The following LRRTM3 variants were observed in gnomAD, a reference collection of about 807,000 sequenced individuals.
LRRTM3 encodes the protein leucine rich repeat transmembrane neuronal 3.
LRRTM3 carries 24 observed loss-of-function variants against 44.7 expected under a neutral mutation model. The ratio of observed to expected loss-of-function variants is 0.54; its 90% CI spans 0.39 to 0.76. The LOEUF is 0.76. LRRTM3 is among the 30% of genes least tolerant of loss of function. The probability of loss-of-function intolerance (pLI) is 0.00; values close to 1 mark genes in which losing one functional copy is unlikely to be tolerated. For synonymous variants in LRRTM3, 277 were observed against 278.7 expected (o/e 0.99, Z 0.06); for missense variants, 587 against 702.2 (o/e 0.84, Z 1.85).
At chr10:67,052,309 C>T (rs1376153791) in intron 2 of LRRTM3, among the ~76,000 whole-genome samples, 1 of 119,768 alleles carries the variant, frequency 8.3e-6, no homozygotes, top group South Asian at 3.2e-4. Flanking sequence ...CACACCCACT[C>T]ATCACTCTCT....
intron 2 of LRRTM3, among the ~76,000 whole-genome samples, chr10:67,020,919 T>C (rs1852967914): frequency 6.6e-6 from 1 of 152,166 alleles, no homozygotes. Flanking sequence ...ACATTGTGGC[T>C]AACACTTACA....
chr10:66,981,880 T>G (rs1325218991), intron 2 of LRRTM3, among the ~76,000 whole-genome samples: 1 of 152,184 alleles, frequency 6.6e-6, no homozygotes, highest in Non-Finnish European at 1.5e-5. Context: ...CCCACTTACT[T>G]GCTCCCAAAG....
intron 2 of LRRTM3, chr10:67,013,053 T>A (rs1168743536): frequency 6.6e-6 from 1 of 152,186 alleles, no homozygotes; most frequent in Non-Finnish European, 1.5e-5. Context: ...AATACTGTTA[T>A]ACATATTATT....
chr10:66,928,094 C>A lies in LRRTM3; in HGVS notation c.1178C>A (p.Pro393His), dbSNP rs1847174991. 1 of 1,613,948 alleles carries A rather than the reference C, an allele frequency of 6.2e-7. No individual in the cohort carries two copies. The highest frequency in any genetic ancestry group is 1.3e-5 in the African/African-American group (1 of 74,916). Residue 393 changes from proline (P) to histidine (H), a missense_variant, in exon 2 of 3, where the codon CCC becomes CAC. By Grantham distance (77) the Pro-to-His change is moderately conservative. Coordinates refer to ENST00000361320, the MANE Select transcript of LRRTM3 (RefSeq NM_178011.5). ...KLPRPKHESK[P>H]PLPPTVGATE... ...CCCAGGCCGAAGCATGAGAGCAAAC[C>A]CCCTTTGCCCCCGACGGTGGGAGCC... is the stretch of plus-strand genomic sequence containing the variant.
intron 2 of LRRTM3, among the ~76,000 whole-genome samples, chr10:66,993,783 T>C (rs1054701116): frequency 2.6e-5 from 4 of 152,114 alleles, no homozygotes; most frequent in Non-Finnish European, 4.4e-5. Flanking sequence ...TTATGACCTT[T>C]GTTATTCTAA....
chr10:66,927,584 C>G lies in LRRTM3; in HGVS notation c.668C>G (p.Ala223Gly). ...EHNQFSKLNLALFPRLVSLQN... is the reference protein window; with the variant it reads ...EHNQFSKLNLGLFPRLVSLQN... Reference sequence around the variant, plus strand: ...AATCAATTTTCCAAGCTCAACCTGGCCCTTTTTCCAAGGTTGGTCAGCCTT... The same window carrying G: ...AATCAATTTTCCAAGCTCAACCTGGGCCTTTTTCCAAGGTTGGTCAGCCTT... The change falls in exon 2 of 3, where the codon GCC (alanine) becomes GGC (glycine). Residue 223 changes from alanine to glycine, a missense_variant. Around this residue, in one of 3 missense-constraint regions of LRRTM3, gnomAD observed 222 missense variants for 323.3 expected, o/e 0.69. Transcript: ENST00000361320. This position sits in a 1 kb window ranked among gnomAD's most constrained non-coding sequence, Gnocchi z 4.7. 6.2e-7 allele frequency: 1 copy of G among 1,614,162 alleles called. No individual in the cohort carries two copies. The highest frequency in any genetic ancestry group is 8.5e-7 in the Non-Finnish European group (1 of 1,180,048).
At chr10:67,015,740 ATTT>A (rs1489058859) in intron 2 of LRRTM3, among the ~76,000 whole-genome samples, 1 of 151,634 alleles carries the variant, frequency 6.6e-6, no homozygotes, top group African/African-American at 2.4e-5. Flanking sequence ...TTATTGATTC[ATTT>A]TTTTCTGTTC....
At chr10:67,093,394 C>T (rs1857776991) in intron 2 of LRRTM3, among the ~76,000 whole-genome samples, 1 of 151,700 alleles carries the variant, frequency 6.6e-6, no homozygotes, top group African/African-American at 2.4e-5. Context: ...GTTGAACACC[C>T]TAATCTCAGG....
chr10:66,928,482 T>C, intron 2 of LRRTM3, 30 bp downstream of exon 2: 1 of 1,544,108 alleles, frequency 6.5e-7, no homozygotes, highest in Non-Finnish European at 8.7e-7. Flanking sequence ...AAAGAGCTCT[T>C]AAAAGCTGGG....
chr10:67,081,829 A>G (rs752349525), intron 2 of LRRTM3, among the ~76,000 whole-genome samples: 2 of 152,288 alleles, frequency 1.3e-5, no homozygotes, highest in South Asian at 4.1e-4. Flanking sequence ...TCCTGATCCT[A>G]GCCCAGCAGA....
intron 2 of LRRTM3, among the ~76,000 whole-genome samples, chr10:66,953,029 C>T (rs969926711): frequency 1.3e-5 from 2 of 151,978 alleles, no homozygotes; most frequent in Non-Finnish European, 2.9e-5. Context: ...CTTTACCTTC[C>T]ACTGAAGAAA....
chr10:66,954,975 A>G (rs933794094), intron 2 of LRRTM3, among the ~76,000 whole-genome samples: 2 of 152,226 alleles, frequency 1.3e-5, no homozygotes, highest in African/African-American at 4.8e-5. Context: ...TAGGAAAAGT[A>G]CCAAGATACT....
chr10:66,949,367 A>T (rs1848424223), intron 2 of LRRTM3, among the ~76,000 whole-genome samples: 1 of 151,802 alleles, frequency 6.6e-6, no homozygotes, highest in Admixed American at 6.6e-5. Context: ...GACCAGCCTG[A>T]CCAACATGGA....
At chr10:66,958,032 C>A (rs1222246181) in intron 2 of LRRTM3, among the ~76,000 whole-genome samples, 1 of 151,868 alleles carries the variant, frequency 6.6e-6, no homozygotes, top group Non-Finnish European at 1.5e-5. Flanking sequence ...ACTAGAGGGG[C>A]CAAAAGCAGT....
chr10:67,083,335 A>C (rs2131885952), intron 2 of LRRTM3, among the ~76,000 whole-genome samples: 1 of 152,254 alleles, frequency 6.6e-6, no homozygotes, highest in African/African-American at 2.4e-5. Flanking sequence ...TGATTAGGAA[A>C]CAGTTCCAAT....
chr10:66,942,388 G>T (rs1564784067), intron 2 of LRRTM3, among the ~76,000 whole-genome samples: 2 of 152,142 alleles, frequency 1.3e-5, no homozygotes, highest in Non-Finnish European at 2.9e-5. Flanking sequence ...GCTCTATTAA[G>T]TATTCTTCTG....
At chr10:66,933,291 G>T (rs932314399) in intron 2 of LRRTM3, among the ~76,000 whole-genome samples, 1 of 152,168 alleles carries the variant, frequency 6.6e-6, no homozygotes, top group Middle Eastern at 3.2e-3. Flanking sequence ...CTAAGTCTAT[G>T]ATTTTTATAC....
intron 2 of LRRTM3, among the ~76,000 whole-genome samples, chr10:67,018,243 T>A (rs1454995033): frequency 6.6e-6 from 1 of 152,214 alleles, no homozygotes; most frequent in African/African-American, 2.4e-5. Flanking sequence ...AATGAGAGCA[T>A]AAAGGCATAT....
At chr10:67,014,672 A>G (rs1162776023) in intron 2 of LRRTM3, among the ~76,000 whole-genome samples, 1 of 152,054 alleles carries the variant, frequency 6.6e-6, no homozygotes, top group Non-Finnish European at 1.5e-5. Context: ...AAGAATGACT[A>G]TTCTTTCATT....
Sources: allele counts gnomAD v4.1 joint callset (sites outside exome capture counted in the v4.1 genomes callset), GRCh38; gene constraint gnomAD v4.1.1; regional missense constraint gnomAD v4.1.1; non-coding constraint Gnocchi (gnomAD v3.1); transcripts MANE v1.5; gene names NCBI Gene and HGNC (gene_info 2026-07-23, HGNC 2026-07-21).